The following SFRP2 variants were observed in gnomAD, a reference collection of about 807,000 sequenced individuals.
The protein encoded by SFRP2 is secreted frizzled-related protein 2.
Under a neutral mutation model 26.0 loss-of-function variants are expected in SFRP2, and 16 were observed. That is an observed-to-expected ratio of 0.61 (90% CI 0.42 to 0.93). The LOEUF is 0.93. Among genes scored for constraint, SFRP2 ranks in the 40% least tolerant of loss-of-function variants. The probability of loss-of-function intolerance (pLI) is 0.00; values close to 1 mark genes in which losing one functional copy is unlikely to be tolerated. For missense variants in SFRP2, 343 were observed against 392.4 expected (o/e 0.87, Z 1.06); for synonymous variants, 173 against 167.3 (o/e 1.03, Z -0.26).
At chr4:153,785,709 GGATA>G (rs1434418586) in intron 2 of SFRP2, among the ~76,000 whole-genome samples, 151 bp downstream of exon 2, 1 of 152,092 alleles carries the variant, frequency 6.6e-6, no homozygotes, top group Non-Finnish European at 1.5e-5. Flanking sequence ...GAGGAAACTA[GGATA>G]GATCAAGTTA....
intron 1 of SFRP2, among the ~76,000 whole-genome samples, chr4:153,786,961 A>G (rs1741220644): frequency 6.6e-6 from 1 of 152,196 alleles, no homozygotes; most frequent in African/African-American, 2.4e-5. Context: ...CTAATGTGAA[A>G]TTTAATGTTC....
intron 2 of SFRP2, among the ~76,000 whole-genome samples, chr4:153,784,133 GTAACAATCAACT>G (rs1741163844): frequency 1.3e-5 from 2 of 152,302 alleles, no homozygotes; most frequent in South Asian, 4.2e-4. Flanking sequence ...GCTCCACAGT[GTAACAATCAACT>G]TTTCATGGAA....
rs4075422 is a variant in SFRP2, at chr4:153,788,770, C to T, written c.66G>A (p.Ala22=). The T allele has an allele frequency of 0.015, 24,491 of 1,611,020 alleles. 869 individuals carry two copies. Among genetic ancestry groups the T allele is most frequent in the African/African-American group, 0.14 (10,724 of 74,994 alleles). ...FLASHCCLGS[A]RGLFLFGQPD... ...GCTGGCCAAAGAGGAAGAGCCCGCG[C>T]GCCGAGCCCAGGCAGCAGTGCGAGG... is the stretch of plus-strand genomic sequence containing the variant. Residue 22 remains alanine, a synonymous_variant, in exon 1 of 3, where the codon GCG becomes GCA. Coordinates refer to ENST00000274063, the MANE Select transcript of SFRP2 (RefSeq NM_003013.3).
At chr4:153,782,314 GA>G (rs1365048287) in intron 2 of SFRP2, among the ~76,000 whole-genome samples, 1 of 152,214 alleles carries the variant, frequency 6.6e-6, no homozygotes, top group African/African-American at 2.4e-5. Flanking sequence ...TAAAGCAGGA[GA>G]AACAATATGC....
At chr4:153,786,117 A>C (rs1371911630) in intron 1 of SFRP2, among the ~76,000 whole-genome samples, 173 bp from the exon 2 acceptor site, 1 of 152,088 alleles carries the variant, frequency 6.6e-6, no homozygotes, top group Non-Finnish European at 1.5e-5. Context: ...AAGTTTTCCC[A>C]TGCTTCCCAA....
rs751372172 is a variant in SFRP2, at chr4:153,785,907, A to G, written c.540T>C (p.Asp180=). The change falls in exon 2 of 3, where the codon GAT becomes GAC. Residue 180 remains aspartate (D), a synonymous_variant. Transcript: ENST00000274063. ...GCGTTTCCATTATGTCGTTGTCATCATCATTTTTATTTTTGCAGGCTTCAC... is the reference window on the plus strand; with the variant it reads ...GCGTTTCCATTATGTCGTTGTCATCGTCATTTTTATTTTTGCAGGCTTCAC... ...KVCEACKNKN[D]DDNDIMETLC... is the part of the protein sequence containing the mutation. 1 of 1,604,892 alleles carries G rather than the reference A, an allele frequency of 6.2e-7. No individual in the cohort carries two copies. Among genetic ancestry groups the G allele is most frequent in the Non-Finnish European group, 8.5e-7 (1 of 1,176,080 alleles).
Position 153,781,496 on chromosome 4 carries a change from T to C in SFRP2, c.843A>G (p.Arg281=). ...TSVKRWQKGQ[R]EFKRISRSIR... Reference sequence around the variant, plus strand: ...TGCTGCGGGAGATGCGCTTGAACTCTCTCTGCCCCTTCTGCCACCGCTTCA... The same window carrying C: ...TGCTGCGGGAGATGCGCTTGAACTCCCTCTGCCCCTTCTGCCACCGCTTCA... The change falls in exon 3 of 3, where the codon AGA becomes AGG. Residue 281 remains arginine (R), a synonymous_variant. Transcript: ENST00000274063. 1 of 1,614,100 alleles carries C rather than the reference T, an allele frequency of 6.2e-7. No homozygotes were observed. Among genetic ancestry groups the C allele is most frequent in the Non-Finnish European group, 8.5e-7 (1 of 1,180,022 alleles).
Position 153,781,110 on chromosome 4 carries a change from A to C in SFRP2, c.*341T>G, listed in dbSNP as rs529920099. 102 of 224,736 alleles carry C rather than the reference A, an allele frequency of 4.5e-4. No individual in the cohort carries two copies. Among genetic ancestry groups the C allele is most frequent in the African/African-American group, 1.8e-3 (81 of 44,268 alleles). 13.9% of individuals were successfully genotyped at this position (224,736 alleles called of 1,614,324 possible). ...AAAATCAGCTGACTCAAAACAACAA[A>C]CAACAACCAACCAGACCCAAGTCAC... On this transcript the variant is annotated 3_prime_UTR_variant, in exon 3 of 3. Transcript: ENST00000274063.
Position 153,788,649 on chromosome 4 carries a change from G to C in SFRP2, c.187C>G (p.Leu63Val). 3.1e-6 allele frequency: 5 copies of C among 1,614,232 alleles called. No homozygotes were observed. The highest frequency in any genetic ancestry group is 4.2e-6 in the Non-Finnish European group (5 of 1,180,052). ...TCCTTCATGGTCTCGTGGCCCAGCA[G>C]GTTGGGCAGCCGCATGTTCTGGTAT... ...IEYQNMRLPN[L>V]LGHETMKEVL... The change falls in exon 1 of 3, where the codon CTG becomes GTG. Residue 63 changes from leucine to valine, a missense_variant. Around this residue, in one of 2 missense-constraint regions of SFRP2, gnomAD observed 251 missense variants for 253.3 expected, o/e 0.99. Coordinates refer to ENST00000274063, the MANE Select transcript of SFRP2 (RefSeq NM_003013.3).
chr4:153,784,967 G>A (rs1308279900), intron 2 of SFRP2, among the ~76,000 whole-genome samples: 3 of 152,176 alleles, frequency 2.0e-5, no homozygotes, highest in African/African-American at 7.2e-5. Context: ...CTTCTGACCT[G>A]AGAGCCCTGA....
Position 153,785,997 on chromosome 4 carries a change from G to A in SFRP2, c.503-53C>T, listed in dbSNP as rs146047729. 6.1e-4 allele frequency: 724 copies of A among 1,185,166 alleles called. 8 individuals carry two copies. The East Asian group carries it at 0.016, about 26-fold the overall frequency. The allele number at this position is 1,185,166 out of a possible 1,614,324, so 73.4% of individuals were successfully genotyped here. A position where few individuals can be genotyped will look rare whatever the true frequency, so the allele number is the denominator to read the frequency against. On this transcript the variant is annotated intron_variant, in intron 1 of 2. Coordinates refer to ENST00000274063, the MANE Select transcript of SFRP2 (RefSeq NM_003013.3). ...AAGTTTGCTTAAAAGAGAACAGTAG[G>A]TGGCGTTTGTAAACAACTCAAAGGG...
rs1741121901 is a variant in SFRP2 at position 153,781,546 on chromosome 4, C to A, written c.793G>T (p.Gly265Cys). 6.2e-7 allele frequency: 1 copy of A among 1,614,190 alleles called. No individual in the cohort carries two copies. Among genetic ancestry groups the A allele is most frequent in the Non-Finnish European group, 8.5e-7 (1 of 1,180,024 alleles). Residue 265 changes from glycine (G) to cysteine (C), a missense_variant, in exon 3 of 3, where the codon GGT becomes TGT. Gly to Cys is a radical substitution (Grantham distance 159, BLOSUM62 -3). This residue lies in a region of SFRP2 where 92 missense variants were observed against 139.0 expected (regional missense o/e 0.66). Transcript: ENST00000274063. ...APYLVMGQKQ[G>C]GELVITSVKR... Reference sequence around the variant, plus strand: ...ACCGAGGTGATCACCAGCTCCCCACCCTGTTTCTGTCCCATGACCAGATAG... The same window carrying A: ...ACCGAGGTGATCACCAGCTCCCCACACTGTTTCTGTCCCATGACCAGATAG...
In SFRP2 at chr4:153,781,264, TCCAC is replaced by T; in HGVS notation, c.*183_*186del. 1.7e-6 allele frequency: 1 copy of T among 586,408 alleles called. No individual in the cohort carries two copies. The highest frequency in any genetic ancestry group is 3.0e-6 in the Non-Finnish European group (1 of 330,022). The allele number at this position is 586,408 out of a possible 1,614,324, so 36.3% of individuals were successfully genotyped here. On this transcript the variant is annotated 3_prime_UTR_variant, in exon 3 of 3. Coordinates refer to ENST00000274063, the MANE Select transcript of SFRP2 (RefSeq NM_003013.3). ...CTTTTCCTTTAGGTGAAAACAGCTA[TCCAC>T]TCCTGTGGCCTTATAACTCAGGAAA...
intron 2 of SFRP2, among the ~76,000 whole-genome samples, chr4:153,782,044 C>T (rs1579127637): frequency 6.6e-6 from 1 of 152,188 alleles, no homozygotes; most frequent in African/African-American, 2.4e-5. Context: ...TCCTCACTCA[C>T]CCTTGTGTTT....
intron 2 of SFRP2, among the ~76,000 whole-genome samples, chr4:153,785,336 C>G (rs1186859266): frequency 6.6e-6 from 1 of 151,920 alleles, no homozygotes; most frequent in East Asian, 1.9e-4. Flanking sequence ...AGGAACCCCT[C>G]CTTGACAAAT....
rs1741256448 is a variant in SFRP2 at position 153,788,631 on chromosome 4, T to C, written c.205A>G (p.Met69Val). ...CCGGCCTGCTCCAGCACCTCCTTCA[T>C]GGTCTCGTGGCCCAGCAGGTTGGGC... ...RLPNLLGHET[M>V]KEVLEQAGAW... is the part of the protein sequence containing the mutation. The change falls in exon 1 of 3, where the codon ATG becomes GTG. Residue 69 changes from methionine (M) to valine (V), a missense_variant. Met to Val is a conservative substitution (Grantham distance 21). Transcript: ENST00000274063. 9.9e-6 allele frequency: 16 copies of C among 1,614,042 alleles called. No homozygotes were observed. The highest frequency in any genetic ancestry group is 1.7e-5 in the Admixed American group (1 of 60,008).
rs550533064 is a variant in SFRP2, at chr4:153,787,918, G to C, written c.502+416C>G. Among the ~76,000 whole-genome samples the C allele has an allele frequency of 2.0e-5, 3 of 152,370 alleles. No individual in the cohort carries two copies. The East Asian group carries it at 5.8e-4, about 29-fold the overall frequency. On this transcript the variant is annotated intron_variant, in intron 1 of 2. Transcript: ENST00000274063. ...GGTGCAGAATGAGGCTGAGCGAGGG[G>C]CCTCTGGCCAGAATGCTCACCACAA...
intron 2 of SFRP2, 52 bp downstream of exon 2, chr4:153,785,812 G>T: frequency 8.2e-7 from 1 of 1,220,700 alleles, no homozygotes; most frequent in Non-Finnish European, 1.2e-6. Context: ...AAGTTTTACT[G>T]GTAAATAAAA....
chr4:153,783,941 T>G (rs1741160079), intron 2 of SFRP2, among the ~76,000 whole-genome samples: 1 of 152,226 alleles, frequency 6.6e-6, no homozygotes, highest in Non-Finnish European at 1.5e-5. Flanking sequence ...TGTGATAACT[T>G]CTGTGTTGTT....
Sources: gnomAD v4.1 joint callset for allele counts (sites outside exome capture counted in the v4.1 genomes callset) on GRCh38, gnomAD v4.1.1 for gene constraint, gnomAD v4.1.1 regional missense constraint, MANE v1.5 for transcripts, NCBI Gene and HGNC (gene_info 2026-07-23, HGNC 2026-07-21) for gene names.